The following CA12 variants were observed in gnomAD, a reference collection of about 807,000 sequenced individuals.
CA12 encodes the protein carbonic anhydrase 12.
In CA12, 36 loss-of-function variants were observed where a neutral mutation model predicts 46.8. The observed-to-expected ratio is 0.77, with a 90% confidence interval of 0.59 to 1.02. The LOEUF is 1.02. Among genes scored for constraint, CA12 ranks in the 50% least tolerant of loss-of-function variants. CA12 has a pLI of 0.00. For synonymous variants in CA12, 202 were observed against 187.0 expected (o/e 1.08, Z -0.65); for missense variants, 436 against 451.4 (o/e 0.97, Z 0.31).
At chr15:63,335,608 C>T (rs1470331743) in intron 8 of CA12, among the ~76,000 whole-genome samples, 1 of 151,176 alleles carries the variant, frequency 6.6e-6, no homozygotes, top group Non-Finnish European at 1.5e-5. Context: ...GGATTACAAG[C>T]ATGAGCCACC....
intron 2 of CA12, among the ~76,000 whole-genome samples, chr15:63,350,744 GT>G (rs35255119): frequency 0.25 from 37,491 of 152,036 alleles, 4,942 homozygotes; most frequent in Admixed American, 0.32. Context: ...GGACCAGAAT[GT>G]TTTTACAGAA....
Position 63,348,928 on chromosome 15 carries a change from A to G in CA12, c.107-2219T>C, listed in dbSNP as rs2039189176. Among the ~76,000 whole-genome samples the G allele has an allele frequency of 6.6e-6, 1 of 152,172 alleles. No homozygotes were observed. The highest frequency in any genetic ancestry group is 1.5e-5 in the Non-Finnish European group (1 of 68,024). On this transcript the variant is annotated intron_variant, in intron 2 of 10. Transcript: ENST00000178638. This position sits in a 1 kb window ranked among gnomAD's most constrained non-coding sequence, Gnocchi z 4.6. Reference sequence around the variant, plus strand: ...GTTTCCTTTTTCTCTTGCTCTAAATACGCTTTATTGGAAGTTAGGACCAAA... The same window carrying G: ...GTTTCCTTTTTCTCTTGCTCTAAATGCGCTTTATTGGAAGTTAGGACCAAA...
At chr15:63,336,252 G>A (rs918724317) in intron 8 of CA12, among the ~76,000 whole-genome samples, 1 of 152,182 alleles carries the variant, frequency 6.6e-6, no homozygotes, top group South Asian at 2.1e-4. Context: ...AGAATCTACT[G>A]AAGCGCTTGG....
chr15:63,339,011 G>T lies in CA12; in HGVS notation c.748-66C>A. 1 of 1,600,284 alleles carries T rather than the reference G, an allele frequency of 6.2e-7. No individual in the cohort carries two copies. The highest frequency in any genetic ancestry group is 8.5e-7 in the Non-Finnish European group (1 of 1,171,146). On this transcript the variant is annotated intron_variant, in intron 7 of 10. Coordinates refer to ENST00000178638, the MANE Select transcript of CA12 (RefSeq NM_001218.5). This position sits in a 1 kb window ranked among gnomAD's most constrained non-coding sequence, Gnocchi z 4.3. Reference sequence around the variant, plus strand: ...TCCTCACCTGATCCCCTGGGAAGAGGCTAGCTCTCCGCTCTTGCACCTGGG... The same window carrying T: ...TCCTCACCTGATCCCCTGGGAAGAGTCTAGCTCTCCGCTCTTGCACCTGGG...
At chr15:63,375,619 T>C (rs1201735191) in intron 2 of CA12, 39 bp downstream of exon 2, 2 of 1,356,304 alleles carry the variant, frequency 1.5e-6, no homozygotes, top group African/African-American at 2.9e-5. Context: ...CCATTTCTAT[T>C]TTCTTTTCAA....
chr15:63,327,321 C>T lies in CA12; in HGVS notation c.908-88G>A. 2 of 963,928 alleles carry T rather than the reference C, an allele frequency of 2.1e-6. No individual in the cohort carries two copies. Among genetic ancestry groups the T allele is most frequent in the Non-Finnish European group, 1.6e-6 (1 of 610,660 alleles). 59.7% of individuals were successfully genotyped at this position (963,928 alleles called of 1,614,324 possible). ...CCCCGGGTGTGAAATCATGGCCCAG[C>T]TGCATAATCATCCACAGAAAGGAAT... is the stretch of plus-strand genomic sequence containing the variant. On this transcript the variant is annotated intron_variant, in intron 9 of 10. Coordinates refer to ENST00000178638, the MANE Select transcript of CA12 (RefSeq NM_001218.5). This position sits in a 1 kb window ranked among gnomAD's most constrained non-coding sequence, Gnocchi z 4.5.
At chr15:63,334,737 C>T (rs1362600659) in intron 8 of CA12, among the ~76,000 whole-genome samples, 1 of 152,138 alleles carries the variant, frequency 6.6e-6, no homozygotes, top group African/African-American at 2.4e-5. Context: ...ACTTCAGAGG[C>T]ATCTGCACCC....
At chr15:63,334,242 CTTTTTTTTTTTTTTT>C (rs71131163) in intron 8 of CA12, among the ~76,000 whole-genome samples, 10 of 64,964 alleles carry the variant, frequency 1.5e-4, no homozygotes, top group South Asian at 1.3e-3. Context: ...GGAAGAGGCA[CTTTTTTTTTTTTTTT>C]TTTTTTTTTT....
At chr15:63,350,920 T>C (rs1335704736) in intron 2 of CA12, among the ~76,000 whole-genome samples, 1 of 152,218 alleles carries the variant, frequency 6.6e-6, no homozygotes, top group Admixed American at 6.5e-5. Context: ...TTCATCTGTA[T>C]ATATTTCATA....
At chr15:63,380,914 C>T (rs2039636143) in intron 1 of CA12, among the ~76,000 whole-genome samples, 1 of 152,236 alleles carries the variant, frequency 6.6e-6, no homozygotes, top group Non-Finnish European at 1.5e-5. Context: ...TTCAGGTCCC[C>T]TCTGCCACCT....
chr15:63,346,207 G>C (rs1298083805), intron 3 of CA12, among the ~76,000 whole-genome samples: 1 of 152,152 alleles, frequency 6.6e-6, no homozygotes, highest in African/African-American at 2.4e-5. Context: ...GCCAAACTGT[G>C]TGGTTCCTTG....
At position 63,331,755 on chromosome 15, in the gene CA12, C is replaced by T. The variant is rs2038940523; in HGVS notation, c.875-3625G>A. The stretch of plus-strand genomic sequence containing the variant: ...TCGGTGAGCTGCTTGCCACAAGGGC[C>T]TTGCTACCTGTTCTGGCAGGCCCAG... On this transcript the variant is annotated intron_variant, in intron 8 of 10. Transcript: ENST00000178638. The surrounding 1 kb of genome is among the most constrained non-coding windows in gnomAD (Gnocchi z 5.3). The T allele has an allele frequency of 6.6e-6, 1 of 152,302 alleles. No individual in the cohort carries two copies. Among genetic ancestry groups the T allele is most frequent in the Admixed American group, 6.5e-5 (1 of 15,282 alleles). The allele number at this position is 152,302 out of a possible 1,614,324, so 9.4% of individuals were successfully genotyped here.
chr15:63,339,870 T>G lies in CA12; in HGVS notation c.747+418A>C, dbSNP rs1353865350. ...ATGGCTAAGGATTTTGTTCCCCAGTTTGCACTAGACCTTGAGCTTCTTGGG... is the reference window on the plus strand; with the variant it reads ...ATGGCTAAGGATTTTGTTCCCCAGTGTGCACTAGACCTTGAGCTTCTTGGG... On this transcript the variant is annotated intron_variant, in intron 7 of 10. Transcript: ENST00000178638. This position sits in a 1 kb window ranked among gnomAD's most constrained non-coding sequence, Gnocchi z 4.3. Among the ~76,000 whole-genome samples, 1 of 152,206 alleles carries G rather than the reference T, an allele frequency of 6.6e-6. No homozygotes were observed. Among genetic ancestry groups the G allele is most frequent in the Non-Finnish European group, 1.5e-5 (1 of 68,034 alleles).
chr15:63,376,594 CTTTCTT>C (rs770748649), intron 1 of CA12, among the ~76,000 whole-genome samples: 35 of 123,010 alleles, frequency 2.8e-4, no homozygotes, highest in East Asian at 9.7e-4. Flanking sequence ...TTCTTTCTTT[CTTTCTT>C]TCTCTCTCTC....
Position 63,326,196 on chromosome 15 carries a change from C to T in CA12, c.*89G>A, listed in dbSNP as rs1047296457. The T allele has an allele frequency of 5.1e-6, 5 of 979,166 alleles. No homozygotes were observed. The highest frequency in any genetic ancestry group is 1.7e-5 in the Admixed American group (1 of 58,744). 60.7% of individuals were successfully genotyped at this position (979,166 alleles called of 1,614,324 possible). On this transcript the variant is annotated 3_prime_UTR_variant, in exon 11 of 11. Coordinates refer to ENST00000178638, the MANE Select transcript of CA12 (RefSeq NM_001218.5). ...TTTGCAGATTGAGCTACAGAGAACA[C>T]CTTGAGGTGTCGCAAGTGTCCAGAG...
Position 63,327,330 on chromosome 15 carries a change from C to A in CA12, c.908-97G>T. 1.1e-6 allele frequency: 1 copy of A among 897,362 alleles called. No individual in the cohort carries two copies. The highest frequency in any genetic ancestry group is 1.8e-6 in the Non-Finnish European group (1 of 552,178). 55.6% of individuals were successfully genotyped at this position (897,362 alleles called of 1,614,324 possible). Reference sequence around the variant, plus strand: ...TGAAATCATGGCCCAGCTGCATAATCATCCACAGAAAGGAATAATTTCCCC... The same window carrying A: ...TGAAATCATGGCCCAGCTGCATAATAATCCACAGAAAGGAATAATTTCCCC... On this transcript the variant is annotated intron_variant, in intron 9 of 10. Transcript: ENST00000178638. The surrounding 1 kb of genome is among the most constrained non-coding windows in gnomAD (Gnocchi z 4.5).
At chr15:63,338,794 T>TC (rs780927969) in intron 8 of CA12, 25 bp downstream of exon 8, 3 of 1,612,160 alleles carry the variant, frequency 1.9e-6, no homozygotes, top group South Asian at 2.2e-5. Context: ...CCGCACCCCC[T>TC]CCCCCCAGCA....
intron 2 of CA12, among the ~76,000 whole-genome samples, chr15:63,370,465 A>T (rs1417983990): frequency 6.8e-6 from 1 of 147,742 alleles, no homozygotes; most frequent in Non-Finnish European, 1.5e-5. Context: ...AAAAGAAAAA[A>T]AGAAAAGATA....
At position 63,340,760 on chromosome 15, in the gene CA12, A is replaced by C. The variant is rs141310681; in HGVS notation, c.549T>G (p.Tyr183Ter). 3 of 1,614,138 alleles carry C rather than the reference A, an allele frequency of 1.9e-6. No individual in the cohort carries two copies. In the African/African-American group the frequency reaches 4.0e-5, roughly 22 times the overall value. ...GTTGAAGGTGACTGAAGATCTTGTC[A>C]TAGGACGGATTGAAGGAGCCCATCT... ...LIEMGSFNPS[Y>*]DKIFSHLQHV... Residue 183 changes from tyrosine to a stop codon, truncating the protein, a stop_gained, in exon 6 of 11, where the codon TAT becomes TAG. Coordinates refer to ENST00000178638, the MANE Select transcript of CA12 (RefSeq NM_001218.5). LOFTEE classifies it high-confidence loss of function. The surrounding 1 kb of genome is among the most constrained non-coding windows in gnomAD (Gnocchi z 4.4).
Sources: allele counts gnomAD v4.1 joint callset (sites outside exome capture counted in the v4.1 genomes callset), GRCh38; gene constraint gnomAD v4.1.1; non-coding constraint Gnocchi (gnomAD v3.1); transcripts MANE v1.5; gene names NCBI Gene and HGNC (gene_info 2026-07-23, HGNC 2026-07-21).